The following MINDY4 variants were observed in gnomAD, a reference collection of about 807,000 sequenced individuals.
MINDY4 encodes the protein MINDY lysine 48 deubiquitinase 4.
In MINDY4, 68 loss-of-function variants were observed where a neutral mutation model predicts 87.0. The observed-to-expected ratio is 0.78, with a 90% CI of 0.64 to 0.96. The LOEUF (loss-of-function observed/expected upper bound fraction) is 0.96, where lower values mean the gene tolerates loss of function less well. Ranked by LOEUF, MINDY4 falls within the 40% of genes least tolerant of loss-of-function variation. MINDY4 has a pLI of 0.00. For missense variants in MINDY4, 919 were observed against 928.2 expected, an observed-to-expected ratio of 0.99 and a Z score of 0.13; for synonymous variants, 379 against 363.2, an observed-to-expected ratio of 1.04 and a Z score of -0.50.
chr7:30,889,822 A>G (rs755309846), intron 17 of MINDY4, among the ~76,000 whole-genome samples: 33 of 152,104 alleles, frequency 2.2e-4, no homozygotes, highest in Non-Finnish European at 3.1e-4. Context: ...GTTATCATAT[A>G]CCTCTTGTCA....
chr7:30,878,342 C>CT (rs1341204947), intron 15 of MINDY4, among the ~76,000 whole-genome samples: 8 of 152,174 alleles, frequency 5.3e-5, no homozygotes, highest in African/African-American at 1.9e-4. Context: ...GTGAGCTACC[C>CT]AGATGACCCA....
chr7:30,810,598 G>A lies in MINDY4; in HGVS notation c.1074-18081G>A, dbSNP rs552643118. The stretch of plus-strand genomic sequence containing the variant: ...GGACATTAAAGTAAAAACACGACCG[G>A]TTTTTCTTAAAGCACTAACCTGCTC... On this transcript the variant is annotated intron_variant, in intron 5 of 17. Coordinates refer to ENST00000265299, the MANE Select transcript of MINDY4 (RefSeq NM_032222.3). Among the ~76,000 whole-genome samples, 366 of 152,152 alleles carry A rather than the reference G, an allele frequency of 2.4e-3. 3 individuals are homozygous for A. The highest frequency in any genetic ancestry group is 8.4e-3 in the African/African-American group (347 of 41,508).
intron 8 of MINDY4, 51 bp from the exon 9 acceptor site, chr7:30,840,709 A>T (rs997958528): frequency 5.7e-6 from 9 of 1,578,496 alleles, no homozygotes; most frequent in Non-Finnish European, 7.8e-6. Flanking sequence ...GAAACCAAAA[A>T]CTCTGCCCCA....
chr7:30,882,434 C>A, intron 16 of MINDY4, 73 bp downstream of exon 16: 2 of 1,302,608 alleles, frequency 1.5e-6, no homozygotes, highest in Non-Finnish European at 2.0e-6. Context: ...AGAAACCAGC[C>A]TTCCTATCCA....
chr7:30,829,499 C>A (rs953374989), intron 6 of MINDY4, among the ~76,000 whole-genome samples: 3 of 152,210 alleles, frequency 2.0e-5, no homozygotes, highest in African/African-American at 7.2e-5. Flanking sequence ...CTCTTCATCT[C>A]CCTTTTGAAC....
intron 4 of MINDY4, among the ~76,000 whole-genome samples, chr7:30,788,794 G>A (rs1787232891): frequency 6.6e-6 from 1 of 152,172 alleles, no homozygotes; most frequent in Admixed American, 6.5e-5. Flanking sequence ...ATCCTCCACG[G>A]TCAGCGGAAT....
intron 8 of MINDY4, among the ~76,000 whole-genome samples, chr7:30,840,186 C>T (rs1302934066): frequency 6.6e-6 from 1 of 152,178 alleles, no homozygotes; most frequent in African/African-American, 2.4e-5. Flanking sequence ...GTGCTAAGCC[C>T]CGTGATGCCT....
intron 1 of MINDY4, among the ~76,000 whole-genome samples, chr7:30,776,345 C>T (rs1157605742): frequency 4.6e-5 from 7 of 152,298 alleles, no homozygotes; most frequent in African/African-American, 1.4e-4. Context: ...CTGTTCCTTG[C>T]CTGGAACACT....
chr7:30,824,744 A>G (rs982019763), intron 5 of MINDY4, among the ~76,000 whole-genome samples: 1 of 152,004 alleles, frequency 6.6e-6, no homozygotes, highest in African/African-American at 2.4e-5. Flanking sequence ...CAACTAATTT[A>G]TTTATTTTTT....
In MINDY4 at chr7:30,819,985, T is replaced by C. The variant is rs374971444; in HGVS notation, c.1074-8694T>C. Among the ~76,000 whole-genome samples, 1,209 of 134,482 alleles carry C rather than the reference T, an allele frequency of 9.0e-3. 17 individuals are homozygous for C. The highest frequency in any genetic ancestry group is 0.032 in the African/African-American group (1,152 of 35,650). The allele number at this position is 134,482 out of a possible 152,430, so 88.2% of individuals were successfully genotyped here. On this transcript the variant is annotated intron_variant, in intron 5 of 17. Coordinates refer to ENST00000265299, the MANE Select transcript of MINDY4 (RefSeq NM_032222.3). ...GGCGGGATCTCGGCTCACTGCAAGCTCCGCCTCCTGGGTTCACGCCATTCT... is the reference window on the plus strand; with the variant it reads ...GGCGGGATCTCGGCTCACTGCAAGCCCCGCCTCCTGGGTTCACGCCATTCT...
chr7:30,852,504 C>T (rs62449094), intron 11 of MINDY4, among the ~76,000 whole-genome samples: 11,379 of 152,052 alleles, frequency 0.075, 511 homozygotes, highest in African/African-American at 0.089. Flanking sequence ...GGCTTCCTGT[C>T]CCATCGAGGG....
chr7:30,812,059 C>A (rs750131953), intron 5 of MINDY4, among the ~76,000 whole-genome samples: 1 of 152,062 alleles, frequency 6.6e-6, no homozygotes, highest in East Asian at 1.9e-4. Context: ...CAAAAGGGCA[C>A]GTGTACCAGA....
At chr7:30,890,733 G>T (rs1264078023) in intron 17 of MINDY4, among the ~76,000 whole-genome samples, 3 of 152,118 alleles carry the variant, frequency 2.0e-5, no homozygotes, top group African/African-American at 7.2e-5. Flanking sequence ...AAGACAAAGA[G>T]CCGAAGCCTA....
chr7:30,784,886 AG>A (rs112084127), intron 3 of MINDY4, among the ~76,000 whole-genome samples: 1 of 152,182 alleles, frequency 6.6e-6, no homozygotes, highest in African/African-American at 2.4e-5. Context: ...AGCTTGGCAT[AG>A]GGTAGGGGGC....
At chr7:30,817,849 T>C (rs1186058502) in intron 5 of MINDY4, among the ~76,000 whole-genome samples, 2 of 152,246 alleles carry the variant, frequency 1.3e-5, no homozygotes, top group Admixed American at 6.5e-5. Flanking sequence ...CTCTTGTTCA[T>C]TGCAAAATGA....
chr7:30,823,242 T>G (rs1788395055), intron 5 of MINDY4, among the ~76,000 whole-genome samples: 4 of 152,228 alleles, frequency 2.6e-5, no homozygotes. Context: ...TAATAAGTAA[T>G]CTGAAAGTTT....
intron 5 of MINDY4, among the ~76,000 whole-genome samples, chr7:30,821,606 C>T (rs943566520): frequency 1.3e-5 from 2 of 152,172 alleles, no homozygotes; most frequent in Non-Finnish European, 2.9e-5. Context: ...TATGAGAATG[C>T]ATGTCTGGAA....
intron 5 of MINDY4, among the ~76,000 whole-genome samples, chr7:30,795,181 T>C (rs1201672383): frequency 6.6e-6 from 1 of 152,150 alleles, no homozygotes; most frequent in Non-Finnish European, 1.5e-5. Context: ...ACATGGACAC[T>C]CCTACAGTTG....
chr7:30,859,810 G>A (rs1789695070), intron 13 of MINDY4, among the ~76,000 whole-genome samples: 1 of 152,226 alleles, frequency 6.6e-6, no homozygotes, highest in African/African-American at 2.4e-5. Flanking sequence ...GAGGCAGGGA[G>A]AGGTGGCAGG....
Sources: gnomAD v4.1 joint callset for allele counts (sites outside exome capture counted in the v4.1 genomes callset) on GRCh38, gnomAD v4.1.1 for gene constraint, MANE v1.5 for transcripts, NCBI Gene and HGNC (gene_info 2026-07-23, HGNC 2026-07-21) for gene names.